Variants in LINGO2 observed in about 807,000 individuals in gnomAD.
LINGO2 encodes the protein leucine rich repeat and Ig domain containing 2, also known as leucine-rich repeat and immunoglobulin-like domain-containing nogo receptor-interacting protein 2.
Under a neutral mutation model 30.6 loss-of-function variants are expected in LINGO2, and 14 were observed. That is an observed-to-expected ratio of 0.46 (90% CI 0.30 to 0.72). The LOEUF (loss-of-function observed/expected upper bound fraction) is 0.72, where lower values mean the gene tolerates loss of function less well. LINGO2 is among the 30% of genes least tolerant of loss of function. LINGO2 has a pLI of 0.07. For synonymous variants in LINGO2, 317 were observed against 288.5 expected (o/e 1.10, Z -1.00); for missense variants, 729 against 751.7 (o/e 0.97, Z 0.35).
the LINGO2 span, among the ~76,000 whole-genome samples, chr9:28,938,884 C>A: frequency 1.3e-5 from 2 of 152,020 alleles, no homozygotes; most frequent in African/African-American, 4.8e-5. Context: ...ACTGTGTTTT[C>A]CTGGAATATG....
chr9:28,946,077 G>T, the LINGO2 span, among the ~76,000 whole-genome samples: 1 of 152,210 alleles, frequency 6.6e-6, no homozygotes, highest in Non-Finnish European at 1.5e-5. Context: ...TAGCTAATAT[G>T]AAAGATCACC....
At chr9:28,287,498 T>C (rs1823557150) in intron 4 of LINGO2, among the ~76,000 whole-genome samples, 2 of 152,344 alleles carry the variant, frequency 1.3e-5, no homozygotes, top group South Asian at 2.1e-4. Flanking sequence ...AAGGACATGA[T>C]ACATTCAGCA....
chr9:28,192,088 ACAAAC>A (rs1819842299), intron 4 of LINGO2, among the ~76,000 whole-genome samples: 1 of 152,084 alleles, frequency 6.6e-6, no homozygotes, highest in Non-Finnish European at 1.5e-5. Flanking sequence ...TTTAATATAG[ACAAAC>A]CTAAACTCTT....
At chr9:29,037,077 A>T in the LINGO2 span, among the ~76,000 whole-genome samples, 2 of 150,658 alleles carry the variant, frequency 1.3e-5, no homozygotes, top group Non-Finnish European at 1.5e-5. Context: ...TTCTCTGCTT[A>T]CTCTTTTTTT....
At chr9:28,486,574 T>G (rs1826172688) in intron 1 of LINGO2, among the ~76,000 whole-genome samples, 1 of 152,172 alleles carries the variant, frequency 6.6e-6, no homozygotes, top group Non-Finnish European at 1.5e-5. Context: ...TGCATGTATG[T>G]GGGTGTGTAT....
chr9:29,210,506 T>C, the LINGO2 span, among the ~76,000 whole-genome samples: 2 of 152,318 alleles, frequency 1.3e-5, no homozygotes, highest in Admixed American at 6.5e-5. Context: ...TAAAATACTG[T>C]ATTTTAAGAA....
At chr9:28,768,388 C>T in the LINGO2 span, among the ~76,000 whole-genome samples, 1 of 152,142 alleles carries the variant, frequency 6.6e-6, no homozygotes, top group Non-Finnish European at 1.5e-5. Flanking sequence ...CTCCTTTTGA[C>T]ATTATCTTTG....
intron 3 of LINGO2, among the ~76,000 whole-genome samples, chr9:28,360,157 T>C (rs1280228956): frequency 6.6e-6 from 1 of 152,210 alleles, no homozygotes; most frequent in East Asian, 1.9e-4. Flanking sequence ...ATGTACCCAT[T>C]AAACTGCATA....
chr9:28,702,898 G>T, the LINGO2 span, among the ~76,000 whole-genome samples: 1 of 151,618 alleles, frequency 6.6e-6, no homozygotes, highest in African/African-American at 2.4e-5. Flanking sequence ...TTTCATCTAG[G>T]CTTTCTAATT....
chr9:29,124,730 A>G, the LINGO2 span, among the ~76,000 whole-genome samples: 1 of 152,214 alleles, frequency 6.6e-6, no homozygotes, highest in Non-Finnish European at 1.5e-5. Flanking sequence ...CATGCCAGTT[A>G]GAATGGCGAT....
the LINGO2 span, among the ~76,000 whole-genome samples, chr9:28,930,956 T>C: frequency 0.9 from 136,986 of 152,230 alleles, 61,867 homozygotes; most frequent in Non-Finnish European, 0.94. This position sits in a 1 kb window ranked among gnomAD's most constrained non-coding sequence, Gnocchi z 4.2. Flanking sequence ...TCCTGTCATA[T>C]GAATGCAGGC....
At chr9:28,772,861 A>G in the LINGO2 span, among the ~76,000 whole-genome samples, 12 of 152,186 alleles carry the variant, frequency 7.9e-5, no homozygotes, top group African/African-American at 2.9e-4. Flanking sequence ...AATACTATCA[A>G]TCTACAACAC....
chr9:29,019,647 T>C, the LINGO2 span, among the ~76,000 whole-genome samples: 4 of 152,336 alleles, frequency 2.6e-5, no homozygotes, highest in East Asian at 7.7e-4. Flanking sequence ...TTCTCATCCC[T>C]GTCACTACAT....
At chr9:28,072,408 G>A (rs910570329) in intron 4 of LINGO2, among the ~76,000 whole-genome samples, 2 of 152,152 alleles carry the variant, frequency 1.3e-5, no homozygotes, top group South Asian at 4.1e-4. Flanking sequence ...TTGAGTTTCA[G>A]CAGAAACCAA....
intron 4 of LINGO2, among the ~76,000 whole-genome samples, chr9:28,277,524 C>T (rs1450150138): frequency 6.6e-6 from 1 of 152,086 alleles, no homozygotes; most frequent in Admixed American, 6.5e-5. Context: ...TAGAAATGGG[C>T]CGGGTGCAGT....
upstream of LINGO2, among the ~76,000 whole-genome samples, chr9:28,674,538 AT>A (rs1285004822): frequency 6.6e-6 from 1 of 152,124 alleles, no homozygotes; most frequent in Admixed American, 6.5e-5. Flanking sequence ...AAAGGTACAC[AT>A]TTTTTACCAT....
At chr9:28,910,027 T>C in the LINGO2 span, among the ~76,000 whole-genome samples, 1 of 151,962 alleles carries the variant, frequency 6.6e-6, no homozygotes, top group Non-Finnish European at 1.5e-5. Flanking sequence ...AGCCAAAAAT[T>C]AACTTTAACA....
At chr9:28,238,886 C>G (rs546587048) in intron 4 of LINGO2, among the ~76,000 whole-genome samples, 19 of 151,118 alleles carry the variant, frequency 1.3e-4, no homozygotes, top group Admixed American at 2.0e-4. Flanking sequence ...AATTAACAAA[C>G]CTTTAGCCAG....
the LINGO2 span, among the ~76,000 whole-genome samples, chr9:28,678,877 A>G: frequency 3.3e-5 from 5 of 152,170 alleles, no homozygotes; most frequent in African/African-American, 1.2e-4. Context: ...AACTCATTAC[A>G]TATTTATTTA....
Sources: allele counts gnomAD v4.1 joint callset (sites outside exome capture counted in the v4.1 genomes callset), GRCh38; gene constraint gnomAD v4.1.1; non-coding constraint Gnocchi (gnomAD v3.1); transcripts MANE v1.5; gene names NCBI Gene and HGNC (gene_info 2026-07-23, HGNC 2026-07-21).